The following PDSS2 variants were observed in gnomAD, a reference collection of about 807,000 sequenced individuals.
PDSS2 encodes decaprenyl diphosphate synthase subunit 2.
A neutral mutation model predicts 44.5 loss-of-function variants in PDSS2; 31 were observed. That is an observed-to-expected ratio of 0.70 (90% CI 0.52 to 0.94). The LOEUF (loss-of-function observed/expected upper bound fraction) is 0.94, where lower values mean the gene tolerates loss of function less well. Ranked by LOEUF, PDSS2 falls within the 40% of genes least tolerant of loss-of-function variation. The probability of loss-of-function intolerance (pLI) is 0.00; values close to 1 mark genes in which losing one functional copy is unlikely to be tolerated. For missense variants in PDSS2, 452 were observed against 482.2 expected, an observed-to-expected ratio of 0.94 and a Z score of 0.59; for synonymous variants, 157 against 180.3, an observed-to-expected ratio of 0.87 and a Z score of 1.03.
At chr6:107,167,924 G>A (rs1771414460) in intron 7 of PDSS2, among the ~76,000 whole-genome samples, 1 of 152,084 alleles carries the variant, frequency 6.6e-6, no homozygotes, top group Admixed American at 6.6e-5. Context: ...GGATTGGTGT[G>A]GTGTGGTGCT....
intron 2 of PDSS2, among the ~76,000 whole-genome samples, chr6:107,294,551 TC>T (rs1776449197): frequency 6.6e-6 from 1 of 152,152 alleles, no homozygotes; most frequent in African/African-American, 2.4e-5. Flanking sequence ...ACTAGGCTTC[TC>T]CTGCATGTTT....
chr6:107,450,872 C>G (rs960947433), intron 1 of PDSS2, among the ~76,000 whole-genome samples: 1 of 152,164 alleles, frequency 6.6e-6, no homozygotes, highest in African/African-American at 2.4e-5. Flanking sequence ...ACTCTGTCAC[C>G]CACGCTGAAG....
chr6:107,174,290 C>T (rs1232031367), intron 7 of PDSS2, among the ~76,000 whole-genome samples: 1 of 152,150 alleles, frequency 6.6e-6, no homozygotes, highest in Non-Finnish European at 1.5e-5. Flanking sequence ...GGGGACAGAA[C>T]AAACAGCAAC....
chr6:107,225,768 T>C (rs902486980), intron 4 of PDSS2, among the ~76,000 whole-genome samples: 2 of 152,360 alleles, frequency 1.3e-5, no homozygotes, highest in Middle Eastern at 3.4e-3. Context: ...AGTAGAATTA[T>C]TGTTTCACTT....
chr6:107,453,243 G>A (rs182927098), intron 1 of PDSS2, among the ~76,000 whole-genome samples: 24 of 152,156 alleles, frequency 1.6e-4, no homozygotes, highest in African/African-American at 5.8e-4. Flanking sequence ...GGGAATTCAG[G>A]CATGAGCCAC....
chr6:107,374,320 G>A (rs978914980), intron 1 of PDSS2, among the ~76,000 whole-genome samples: 2 of 151,384 alleles, frequency 1.3e-5, no homozygotes, highest in African/African-American at 4.9e-5. Context: ...CTTATGTGGT[G>A]TTGCTAAAGT....
At chr6:107,396,183 G>C (rs1241822590) in intron 1 of PDSS2, among the ~76,000 whole-genome samples, 1 of 152,050 alleles carries the variant, frequency 6.6e-6, no homozygotes, top group African/African-American at 2.4e-5. Flanking sequence ...CCCATATATA[G>C]GACTCAAAGG....
chr6:107,308,940 T>C (rs1776947885), intron 2 of PDSS2, among the ~76,000 whole-genome samples: 1 of 152,056 alleles, frequency 6.6e-6, no homozygotes, highest in Non-Finnish European at 1.5e-5. Context: ...GGCTTGGGTG[T>C]CTCCTCTAGA....
intron 3 of PDSS2, among the ~76,000 whole-genome samples, chr6:107,251,009 C>A (rs1178292324): frequency 6.6e-6 from 1 of 152,126 alleles, no homozygotes; most frequent in Non-Finnish European, 1.5e-5. Context: ...GTGCCCGCCA[C>A]CACACCCAGC....
chr6:107,324,497 G>A (rs534965445), intron 2 of PDSS2, among the ~76,000 whole-genome samples: 1 of 152,074 alleles, frequency 6.6e-6, no homozygotes, highest in African/African-American at 2.4e-5. Flanking sequence ...TTTAAATTTA[G>A]TTATACAAAA....
chr6:107,350,067 G>A (rs907612174), intron 1 of PDSS2, among the ~76,000 whole-genome samples: 12 of 152,140 alleles, frequency 7.9e-5, no homozygotes, highest in African/African-American at 2.9e-4. Flanking sequence ...GGATTTTGAT[G>A]TTTCTCTGTG....
At chr6:107,452,899 T>C (rs1475943020) in intron 1 of PDSS2, among the ~76,000 whole-genome samples, 1 of 151,042 alleles carries the variant, frequency 6.6e-6, no homozygotes, top group Non-Finnish European at 1.5e-5. Flanking sequence ...ACTCCTGACC[T>C]TGTGATCTGC....
chr6:107,238,134 T>A (rs9486567), intron 4 of PDSS2, among the ~76,000 whole-genome samples: 1 of 151,982 alleles, frequency 6.6e-6, no homozygotes, highest in African/African-American at 2.4e-5. Context: ...TTCCTGAGAC[T>A]GAGGCCAAGC....
intron 1 of PDSS2, among the ~76,000 whole-genome samples, chr6:107,439,359 T>C (rs1387290222): frequency 6.6e-6 from 1 of 152,222 alleles, no homozygotes; most frequent in East Asian, 1.9e-4. Context: ...CATCATGAGT[T>C]GTTATTGGAT....
chr6:107,162,610 A>ATTTTTTTTTCTTTTTTT (rs1554246877), intron 7 of PDSS2, among the ~76,000 whole-genome samples: 3 of 115,562 alleles, frequency 2.6e-5, no homozygotes, highest in African/African-American at 1.0e-4. Context: ...GAATTCCCTA[A>ATTTTTTTTTCTTTTTTT]TTTTTTTTTT....
chr6:107,319,765 G>A (rs1777325006), intron 2 of PDSS2, among the ~76,000 whole-genome samples: 1 of 152,106 alleles, frequency 6.6e-6, no homozygotes, highest in African/African-American at 2.4e-5. Flanking sequence ...AGTAACAAAG[G>A]TTTTGCAAAG....
intron 2 of PDSS2, among the ~76,000 whole-genome samples, chr6:107,297,417 C>T (rs1441151992): frequency 2.0e-5 from 3 of 151,176 alleles, no homozygotes; most frequent in African/African-American, 7.3e-5. Flanking sequence ...AGTCTTGCTC[C>T]TGCCACCCAG....
intron 6 of PDSS2, among the ~76,000 whole-genome samples, chr6:107,195,813 G>C (rs1772543610): frequency 6.6e-6 from 1 of 152,164 alleles, no homozygotes; most frequent in African/African-American, 2.4e-5. Flanking sequence ...ACCCACCTCA[G>C]CCTCCCAAAG....
intron 7 of PDSS2, among the ~76,000 whole-genome samples, chr6:107,184,425 A>C (rs1481678378): frequency 6.6e-6 from 1 of 152,230 alleles, no homozygotes; most frequent in African/African-American, 2.4e-5. Context: ...TCTATGTGTA[A>C]TAAGAAGAAA....
Sources: gnomAD v4.1 joint callset for allele counts (sites outside exome capture counted in the v4.1 genomes callset) on GRCh38, gnomAD v4.1.1 for gene constraint, MANE v1.5 for transcripts, NCBI Gene and HGNC (gene_info 2026-07-23, HGNC 2026-07-21) for gene names.